Variants in DNER observed in about 807,000 individuals in gnomAD.
DNER encodes the protein delta and Notch-like epidermal growth factor-related receptor.
In DNER, 33 loss-of-function variants were observed where a neutral mutation model predicts 78.2. The ratio of observed to expected loss-of-function variants is 0.42; its 90% CI spans 0.32 to 0.56. The LOEUF (loss-of-function observed/expected upper bound fraction) is 0.56. Among genes scored for constraint, DNER ranks in the 20% least tolerant of loss-of-function variants. DNER has a pLI of 0.11. For synonymous variants in DNER, 417 were observed against 384.8 expected, an observed-to-expected ratio of 1.08 and a Z score of -0.98; for missense variants, 918 against 975.3, an observed-to-expected ratio of 0.94 and a Z score of 0.78.
intron 7 of DNER, among the ~76,000 whole-genome samples, chr2:229,466,066 T>G (rs1041376284): frequency 6.6e-6 from 1 of 152,108 alleles, no homozygotes; most frequent in Non-Finnish European, 1.5e-5. Flanking sequence ...TTTCTCTAAT[T>G]CTTGTCCTCC....
At chr2:229,708,807 CA>C (rs140680243) in intron 1 of DNER, among the ~76,000 whole-genome samples, 78 of 152,296 alleles carry the variant, frequency 5.1e-4, no homozygotes, top group African/African-American at 1.8e-3. Flanking sequence ...CCTAAGAATG[CA>C]GCAAGAATGC....
At chr2:229,561,560 A>G (rs1277117812) in intron 4 of DNER, among the ~76,000 whole-genome samples, 1 of 152,294 alleles carries the variant, frequency 6.6e-6, no homozygotes, top group Non-Finnish European at 1.5e-5. Context: ...AACAAAAAAA[A>G]ATTATATTGA....
At chr2:229,613,565 C>T (rs746665917) in intron 1 of DNER, among the ~76,000 whole-genome samples, 4 of 151,972 alleles carry the variant, frequency 2.6e-5, no homozygotes, top group Non-Finnish European at 5.9e-5. Flanking sequence ...AGTTCACAAA[C>T]CACAAACATA....
chr2:229,409,573 A>T (rs1182386154), intron 9 of DNER, among the ~76,000 whole-genome samples: 1 of 152,214 alleles, frequency 6.6e-6, no homozygotes, highest in Non-Finnish European at 1.5e-5. Context: ...CTTGATGAAA[A>T]CACCCAAGAT....
At chr2:229,635,384 A>AAAAAAAAAAAAT (rs1698512404) in intron 1 of DNER, among the ~76,000 whole-genome samples, 1 of 150,896 alleles carries the variant, frequency 6.6e-6, no homozygotes, top group African/African-American at 2.4e-5. Flanking sequence ...AAAAAAAAAA[A>AAAAAAAAAAAAT]ACTCCCATAT....
intron 7 of DNER, among the ~76,000 whole-genome samples, chr2:229,456,611 C>T (rs1478004807): frequency 6.6e-6 from 1 of 152,040 alleles, no homozygotes; most frequent in Non-Finnish European, 1.5e-5. Flanking sequence ...TCTGCAGCTA[C>T]ATGTACATCT....
At chr2:229,655,394 G>A (rs1276160882) in intron 1 of DNER, among the ~76,000 whole-genome samples, 1 of 152,188 alleles carries the variant, frequency 6.6e-6, no homozygotes, top group Non-Finnish European at 1.5e-5. Context: ...ACCTCCTGGA[G>A]TGTTAGGGGT....
chr2:229,409,841 A>G (rs926836655), intron 9 of DNER, among the ~76,000 whole-genome samples: 2 of 152,176 alleles, frequency 1.3e-5, no homozygotes, highest in African/African-American at 2.4e-5. Context: ...TCACATTTCT[A>G]TATCGTAAAC....
intron 4 of DNER, among the ~76,000 whole-genome samples, chr2:229,549,669 T>G (rs1696692733): frequency 6.6e-6 from 1 of 152,088 alleles, no homozygotes; most frequent in Non-Finnish European, 1.5e-5. Context: ...CCCAGGATTT[T>G]GGGAGGCAGA....
chr2:229,592,596 T>C (rs1408673518), intron 1 of DNER, among the ~76,000 whole-genome samples: 1 of 152,056 alleles, frequency 6.6e-6, no homozygotes, highest in Non-Finnish European at 1.5e-5. Context: ...CATATGTGTT[T>C]CAATTATGCT....
chr2:229,530,924 A>T (rs1028084775), intron 5 of DNER, among the ~76,000 whole-genome samples: 4 of 152,222 alleles, frequency 2.6e-5, no homozygotes, highest in Non-Finnish European at 5.9e-5. Context: ...GGAAAAAGCA[A>T]TCTAAAGGAA....
At chr2:229,519,592 G>A (rs1273596498) in intron 5 of DNER, among the ~76,000 whole-genome samples, 2 of 152,000 alleles carry the variant, frequency 1.3e-5, no homozygotes, top group East Asian at 3.9e-4. Flanking sequence ...AGGTGTCCCA[G>A]CTGGCAAGCA....
intron 1 of DNER, among the ~76,000 whole-genome samples, chr2:229,676,426 T>C (rs1406538947): frequency 6.6e-6 from 1 of 152,258 alleles, no homozygotes; most frequent in African/African-American, 2.4e-5. Flanking sequence ...TGGCAAGTGC[T>C]AAATCATAGT....
intron 8 of DNER, among the ~76,000 whole-genome samples, chr2:229,442,310 T>C (rs1694251587): frequency 6.6e-6 from 1 of 152,132 alleles, no homozygotes; most frequent in South Asian, 2.1e-4. Flanking sequence ...GGTCAGGAGA[T>C]GGAGACCATC....
At chr2:229,659,876 C>T (rs981652133) in intron 1 of DNER, among the ~76,000 whole-genome samples, 4 of 152,064 alleles carry the variant, frequency 2.6e-5, no homozygotes, top group African/African-American at 9.7e-5. Flanking sequence ...TCAATGACTG[C>T]CATGTATGTA....
At chr2:229,545,923 C>G (rs1208479932) in intron 5 of DNER, among the ~76,000 whole-genome samples, 3 of 152,176 alleles carry the variant, frequency 2.0e-5, no homozygotes, top group Admixed American at 6.5e-5. Flanking sequence ...AGGAAATTAC[C>G]ACATTGGCAC....
chr2:229,711,544 T>TA (rs1045273713), intron 1 of DNER, among the ~76,000 whole-genome samples: 4 of 152,298 alleles, frequency 2.6e-5, no homozygotes, highest in African/African-American at 9.6e-5. Context: ...CATCCTTTTT[T>TA]AAAAAAGCCT....
At chr2:229,601,101 G>A (rs944817255) in intron 1 of DNER, among the ~76,000 whole-genome samples, 8 of 152,148 alleles carry the variant, frequency 5.3e-5, no homozygotes, top group African/African-American at 1.9e-4. Flanking sequence ...TAAAAGGAAG[G>A]GATGGGACTA....
Position 229,552,908 on chromosome 2 carries a change from C to T in DNER, c.848-5816G>A, listed in dbSNP as rs186061061. Reference sequence around the variant, plus strand: ...TCTTCTCCTTTGTCTGGCCAGAGGACTATAAAAAGCTATTATCCCGGGCTT... The same window carrying T: ...TCTTCTCCTTTGTCTGGCCAGAGGATTATAAAAAGCTATTATCCCGGGCTT... On this transcript the variant is annotated intron_variant, in intron 4 of 12. Transcript: ENST00000341772. 2.1e-4 allele frequency among the ~76,000 whole-genome samples: 32 copies of T among 152,214 alleles called. No homozygotes were observed. The East Asian group carries it at 3.9e-3, about 18-fold the overall frequency.
Sources: allele counts gnomAD v4.1 joint callset (sites outside exome capture counted in the v4.1 genomes callset), GRCh38; gene constraint gnomAD v4.1.1; transcripts MANE v1.5; gene names NCBI Gene and HGNC (gene_info 2026-07-23, HGNC 2026-07-21).